The following PCDHGB4 variants were observed in gnomAD, a reference collection of about 807,000 sequenced individuals.
PCDHGB4 encodes protocadherin gamma-B4.
PCDHGB4 carries 38 observed loss-of-function variants against 60.5 expected under a neutral mutation model. The observed-to-expected ratio is 0.63, with a 90% CI of 0.48 to 0.82. The LOEUF is 0.82. PCDHGB4 is among the 40% of genes least tolerant of loss of function. The pLI is 0.00. For synonymous variants in PCDHGB4, 456 were observed against 509.7 expected, an observed-to-expected ratio of 0.89 and a Z score of 1.42; for missense variants, 1,109 against 1,209.6, an observed-to-expected ratio of 0.92 and a Z score of 1.23.
chr5:141,442,818 C>A (rs553817796), intron 1 of PCDHGB4, among the ~76,000 whole-genome samples: 1 of 151,882 alleles, frequency 6.6e-6, no homozygotes, highest in Non-Finnish European at 1.5e-5. Context: ...TGTACTGATC[C>A]AAAAATAAGG....
At chr5:141,506,188 C>T (rs925159785) in intron 3 of PCDHGB4, among the ~76,000 whole-genome samples, 2 of 152,058 alleles carry the variant, frequency 1.3e-5, no homozygotes, top group African/African-American at 4.8e-5. Flanking sequence ...TGGTGGCTCA[C>T]GCCTGTAATC....
Position 141,389,605 on chromosome 5 carries a change from A to T in PCDHGB4, c.1721A>T (p.Asp574Val). 6.2e-7 allele frequency: 1 copy of T among 1,613,092 alleles called. No homozygotes were observed. The highest frequency in any genetic ancestry group is 8.5e-7 in the Non-Finnish European group (1 of 1,179,786). Residue 574 changes from aspartate (D) to valine (V), a missense_variant, in exon 1 of 4, where the codon GAT (aspartate) becomes GTT (valine). By Grantham distance (152) the Asp-to-Val change is radical (BLOSUM62 -3). Coordinates refer to ENST00000519479, the MANE Select transcript of PCDHGB4 (RefSeq NM_003736.4). Reference protein sequence around the residue: ...ALGPDGSALFDMVPHAAEPGY... With the variant: ...ALGPDGSALFVMVPHAAEPGY... The stretch of plus-strand genomic sequence containing the variant: ...GGTCCCGACGGCTCTGCGCTCTTCG[A>T]TATGGTGCCGCACGCTGCAGAGCCT...
Position 141,389,737 on chromosome 5 carries a change from G to A in PCDHGB4, c.1853G>A (p.Gly618Glu). The change falls in exon 1 of 4, where the codon GGG becomes GAG. Residue 618 changes from glycine (G) to glutamate (E), a missense_variant. Gly to Glu is a moderately conservative substitution (Grantham distance 98). Coordinates refer to ENST00000519479, the MANE Select transcript of PCDHGB4 (RefSeq NM_003736.4). ...QASEPGLFSL[G>E]LRTGEVRTAR... is the part of the protein sequence containing the mutation. ...AGCGAGCCCGGGCTCTTCAGCCTGG[G>A]GCTGCGCACGGGCGAAGTGCGCACA... 1.2e-6 allele frequency: 2 copies of A among 1,612,718 alleles called. No homozygotes were observed. Among genetic ancestry groups the A allele is most frequent in the Non-Finnish European group, 1.7e-6 (2 of 1,179,710 alleles).
chr5:141,482,135 G>T (rs987110875), intron 1 of PCDHGB4, among the ~76,000 whole-genome samples: 1 of 151,836 alleles, frequency 6.6e-6, no homozygotes, highest in African/African-American at 2.4e-5. Context: ...CATATGGCTG[G>T]CATAAAAAGG....
At chr5:141,451,224 C>G (rs2098710956) in intron 1 of PCDHGB4, among the ~76,000 whole-genome samples, 1 of 152,170 alleles carries the variant, frequency 6.6e-6, no homozygotes, top group South Asian at 2.1e-4. Flanking sequence ...TTAAAAGAAG[C>G]ATTTATTATC....
intron 1 of PCDHGB4, chr5:141,413,182 G>A (rs752788034): frequency 6.2e-7 from 1 of 1,604,164 alleles, no homozygotes; most frequent in Non-Finnish European, 8.5e-7. Context: ...TACAATGGCC[G>A]CTCAAAGGAA....
intron 1 of PCDHGB4, among the ~76,000 whole-genome samples, chr5:141,450,894 G>A (rs919860611): frequency 2.7e-5 from 4 of 148,956 alleles, no homozygotes; most frequent in Admixed American, 1.3e-4. Context: ...GTGCGATATC[G>A]GCTCACTGCA....
Position 141,476,376 on chromosome 5 carries a change from T to C in PCDHGB4, c.2398-18431T>C. ...GTGAACCGGGAGACCGGAGAGATGT[T>C]TGTGAACGACCGTCTGGATCGAGAG... On this transcript the variant is annotated intron_variant, in intron 1 of 3. Coordinates refer to ENST00000519479, the MANE Select transcript of PCDHGB4 (RefSeq NM_003736.4). The surrounding 1 kb of genome is among the most constrained non-coding windows in gnomAD (Gnocchi z 7.6). The C allele has an allele frequency of 6.2e-7, 1 of 1,614,060 alleles. No homozygotes were observed. Among genetic ancestry groups the C allele is most frequent in the Non-Finnish European group, 8.5e-7 (1 of 1,180,004 alleles).
chr5:141,477,059 A>G lies in PCDHGB4; in HGVS notation c.2398-17748A>G. On this transcript the variant is annotated intron_variant, in intron 1 of 3. Coordinates refer to ENST00000519479, the MANE Select transcript of PCDHGB4 (RefSeq NM_003736.4). This position sits in a 1 kb window ranked among gnomAD's most constrained non-coding sequence, Gnocchi z 4.9. ...CAAGGGTCGGCTGGACTTCGAGGAC[A>G]CCAAACTCCATGAGATTTACATCCA... The G allele has an allele frequency of 1.2e-6, 2 of 1,614,238 alleles. No individual in the cohort carries two copies. Among genetic ancestry groups the G allele is most frequent in the Non-Finnish European group, 1.7e-6 (2 of 1,180,036 alleles).
chr5:141,399,817 G>T (rs369747431), intron 1 of PCDHGB4: 1 of 1,613,224 alleles, frequency 6.2e-7, no homozygotes, highest in South Asian at 1.1e-5. Flanking sequence ...CCCCGCGCTG[G>T]GTCCCGACGG....
intron 1 of PCDHGB4, chr5:141,410,024 G>A (rs771946302): frequency 1.9e-6 from 3 of 1,613,164 alleles, no homozygotes; most frequent in South Asian, 1.1e-5. Context: ...GTCCTACCAC[G>A]TGCTGCAGGC....
chr5:141,430,822 G>C lies in PCDHGB4; in HGVS notation c.2397+40541G>C, dbSNP rs752634890. 5.8e-6 allele frequency: 9 copies of C among 1,542,380 alleles called. No homozygotes were observed. The African/African-American group carries it at 1.1e-4, about 19-fold the overall frequency. On this transcript the variant is annotated intron_variant, in intron 1 of 3. Transcript: ENST00000519479. ...TTGTCCTGCTGGGAATCCTCCTGGGGACTCTGTGGGAGACCGGATGCACCC... is the reference window on the plus strand; with the variant it reads ...TTGTCCTGCTGGGAATCCTCCTGGGCACTCTGTGGGAGACCGGATGCACCC...
chr5:141,401,613 G>A (rs906957282), intron 1 of PCDHGB4, among the ~76,000 whole-genome samples: 1 of 152,162 alleles, frequency 6.6e-6, no homozygotes, highest in Admixed American at 6.5e-5. Flanking sequence ...AAAAGACACC[G>A]GATTTGTCTT....
At chr5:141,410,312 C>T (rs754522489) in intron 1 of PCDHGB4, 9 of 1,614,036 alleles carry the variant, frequency 5.6e-6, no homozygotes, top group South Asian at 3.3e-5. Context: ...AGTGCTCTTC[C>T]TCCTCGCCGT....
Position 141,388,025 on chromosome 5 carries a change from G to A in PCDHGB4, c.141G>A (p.Val47=), listed in dbSNP as rs986664863. ...AGGAAATGCCCAAGGGCTCCGTAGT[G>A]GGGAACCTCGCCACGGACCTGGGGT... ...IPEEMPKGSV[V]GNLATDLGFS... The change falls in exon 1 of 4, where the codon GTG becomes GTA. Residue 47 remains valine, a synonymous_variant. Coordinates refer to ENST00000519479, the MANE Select transcript of PCDHGB4 (RefSeq NM_003736.4). 1 of 1,447,232 alleles carries A rather than the reference G, an allele frequency of 6.9e-7. No individual in the cohort carries two copies. 89.6% of individuals were successfully genotyped at this position (1,447,232 alleles called of 1,614,324 possible).
intron 1 of PCDHGB4, chr5:141,423,660 G>T (rs765304048): frequency 1.3e-6 from 2 of 1,560,582 alleles, no homozygotes; most frequent in Non-Finnish European, 8.6e-7. Context: ...CAAGTAATCA[G>T]GTGAGATTTA....
rs754329108 is a variant in PCDHGB4 at position 141,408,309 on chromosome 5, C to T, written c.2397+18028C>T. 1.8e-5 allele frequency: 29 copies of T among 1,613,698 alleles called. No individual in the cohort carries two copies. The highest frequency in any genetic ancestry group is 2.0e-5 in the Non-Finnish European group (24 of 1,179,730). On this transcript the variant is annotated intron_variant, in intron 1 of 3. Transcript: ENST00000519479. ...ACCCTGAGTGAGCCGATCCGCTACT[C>T]GATTCCGGAGGAGCTGGCCAAGGGC...
Position 141,422,444 on chromosome 5 carries a change from T to TA in PCDHGB4, c.2397+32165dup, listed in dbSNP as rs1171104340. 1.9e-6 allele frequency: 3 copies of TA among 1,610,490 alleles called. No homozygotes were observed. The Admixed American group carries it at 5.1e-5, about 27-fold the overall frequency. ...ACTTATGGAAATTATTACAAATTGA[T>TA]AACAAGCAGAGTGCTGGACAGGGAG... On this transcript the variant is annotated intron_variant, in intron 1 of 3. Coordinates refer to ENST00000519479, the MANE Select transcript of PCDHGB4 (RefSeq NM_003736.4).
intron 2 of PCDHGB4, among the ~76,000 whole-genome samples, chr5:141,504,563 C>G (rs1036149640): frequency 3.3e-5 from 5 of 149,436 alleles, no homozygotes; most frequent in African/African-American, 1.2e-4. Context: ...GACTGGCATT[C>G]TAGGGAACAC....
Sources: allele counts gnomAD v4.1 joint callset (sites outside exome capture counted in the v4.1 genomes callset), GRCh38; gene constraint gnomAD v4.1.1; non-coding constraint Gnocchi (gnomAD v3.1); transcripts MANE v1.5; gene names NCBI Gene and HGNC (gene_info 2026-07-23, HGNC 2026-07-21).